MBIP: variants seen among roughly 807,000 people sequenced by gnomAD.
The protein encoded by MBIP is MAP3K12-binding inhibitory protein 1.
MBIP carries 32 observed loss-of-function variants against 45.7 expected under a neutral mutation model. The observed-to-expected ratio is 0.70, with a 90% CI of 0.53 to 0.94. The LOEUF is 0.94. Ranked by LOEUF, MBIP falls within the 40% of genes least tolerant of loss-of-function variation. MBIP has a pLI of 0.00. For synonymous variants in MBIP, 145 were observed against 141.0 expected (o/e 1.03, Z -0.20); for missense variants, 381 against 405.5 (o/e 0.94, Z 0.52).
At chr14:36,306,315 C>T (rs1391642785) in intron 7 of MBIP, among the ~76,000 whole-genome samples, 2 of 152,014 alleles carry the variant, frequency 1.3e-5, no homozygotes, top group Non-Finnish European at 2.9e-5. Flanking sequence ...AGTGCAATGG[C>T]GTGATCTTGG....
intron 7 of MBIP, among the ~76,000 whole-genome samples, chr14:36,306,320 T>C (rs1879876630): frequency 6.6e-6 from 1 of 152,172 alleles, no homozygotes; most frequent in Non-Finnish European, 1.5e-5. Context: ...AATGGCGTGA[T>C]CTTGGCTCAT....
chr14:36,320,467 A>C lies in MBIP; in HGVS notation c.122T>G (p.Val41Gly), dbSNP rs775730622. ...CCTCAGGCCACCTCTCACCTGTCCA[A>C]CCAGGGTGTGTAGGGAGCGAAAGAT... ...YEIFRSLHTL[V>G]GQLDLRDDVV... is the part of the protein sequence containing the mutation. Residue 41 changes from valine to glycine, a missense_variant, in exon 1 of 9, where the codon GTT becomes GGT. Coordinates refer to ENST00000416007, the MANE Select transcript of MBIP (RefSeq NM_016586.3). The C allele has an allele frequency of 1.2e-6, 2 of 1,613,896 alleles. No homozygotes were observed. The highest frequency in any genetic ancestry group is 1.7e-6 in the Non-Finnish European group (2 of 1,180,016).
At chr14:36,306,501 G>T (rs575433550) in intron 7 of MBIP, among the ~76,000 whole-genome samples, 47 of 152,110 alleles carry the variant, frequency 3.1e-4, no homozygotes, top group African/African-American at 1.1e-3. Context: ...TTGAACTCCC[G>T]ACCTCTGGTG....
intron 2 of MBIP, 165 bp from the exon 3 acceptor site, chr14:36,315,080 TACTC>T: frequency 1.8e-6 from 1 of 553,444 alleles, no homozygotes; most frequent in Non-Finnish European, 3.2e-6. Context: ...CACATATAAG[TACTC>T]ACTATTCTCT....
At chr14:36,311,030 G>A (rs1309183514) in intron 6 of MBIP, among the ~76,000 whole-genome samples, 1 of 152,146 alleles carries the variant, frequency 6.6e-6, no homozygotes, top group African/African-American at 2.4e-5. Context: ...AGATCACAGT[G>A]GCTTCAACTC....
At chr14:36,313,804 T>C (rs745603195) in intron 4 of MBIP, 3 of 152,138 alleles carry the variant, frequency 2.0e-5, no homozygotes, top group Non-Finnish European at 4.4e-5. Context: ...TTCATTCCAA[T>C]TATGAACTCT....
At chr14:36,311,852 T>C (rs1207957019) in intron 5 of MBIP, 107 bp downstream of exon 5, 18 of 1,175,858 alleles carry the variant, frequency 1.5e-5, no homozygotes, top group Non-Finnish European at 2.0e-5. Flanking sequence ...GACGGCAAGA[T>C]GTTTTTGTTT....
intron 4 of MBIP, among the ~76,000 whole-genome samples, chr14:36,312,976 G>A (rs1013292480): frequency 1.3e-5 from 2 of 151,806 alleles, no homozygotes; most frequent in African/African-American, 2.4e-5. Context: ...TTATAGTTAG[G>A]TTAAATTTGT....
chr14:36,315,854 A>C (rs1283237479), intron 2 of MBIP, among the ~76,000 whole-genome samples: 1 of 152,140 alleles, frequency 6.6e-6, no homozygotes, highest in Non-Finnish European at 1.5e-5. Flanking sequence ...TATTTTTTTC[A>C]TACCTACAAT....
intron 6 of MBIP, among the ~76,000 whole-genome samples, chr14:36,309,091 T>G (rs2139215271): frequency 6.6e-6 from 1 of 152,324 alleles, no homozygotes; most frequent in South Asian, 2.1e-4. Context: ...TTTTTTCTGT[T>G]ATTCAAAGAG....
chr14:36,319,864 G>T (rs1401750799), intron 1 of MBIP: 2 of 176,182 alleles, frequency 1.1e-5, no homozygotes, highest in Non-Finnish European at 2.4e-5. Flanking sequence ...CTAGTTAATA[G>T]TTAAATAACG....
intron 6 of MBIP, among the ~76,000 whole-genome samples, chr14:36,308,535 T>A (rs919417209): frequency 6.6e-6 from 1 of 152,184 alleles, no homozygotes; most frequent in African/African-American, 2.4e-5. Context: ...AAATGCATAG[T>A]GACAAATGAC....
At chr14:36,302,142 C>T (rs919024902) in intron 7 of MBIP, among the ~76,000 whole-genome samples, 4 of 152,340 alleles carry the variant, frequency 2.6e-5, no homozygotes, top group East Asian at 1.9e-4. Context: ...TTTAATTTGG[C>T]GATTGATCAG....
intron 7 of MBIP, among the ~76,000 whole-genome samples, chr14:36,303,524 T>C (rs938573387): frequency 2.6e-5 from 4 of 152,214 alleles, no homozygotes; most frequent in African/African-American, 9.7e-5. Context: ...TTGAATACTG[T>C]AGGCAAGTGT....
chr14:36,301,023 C>T lies in MBIP; in HGVS notation c.889-200G>A, dbSNP rs569048846. 147 of 395,298 alleles carry T rather than the reference C, an allele frequency of 3.7e-4. 2 individuals are homozygous for T. The South Asian group carries it at 7.6e-3, about 20-fold the overall frequency. The allele number at this position is 395,298 out of a possible 1,614,324, so 24.5% of individuals were successfully genotyped here. On this transcript the variant is annotated intron_variant, in intron 7 of 8. Transcript: ENST00000416007. ...TACCCTCTAAAGAGGATGACGTTAA[C>T]AATATATAATAGTAATATTGCAGCA...
chr14:36,310,083 T>C (rs1880111764), intron 6 of MBIP, among the ~76,000 whole-genome samples: 1 of 152,228 alleles, frequency 6.6e-6, no homozygotes, highest in Non-Finnish European at 1.5e-5. Flanking sequence ...ATTCAACAGA[T>C]ATTTTTCCAA....
rs770896506 is a variant in MBIP, at chr14:36,311,612, G to T, written c.751C>A (p.Arg251=). 6.2e-7 allele frequency: 1 copy of T among 1,612,896 alleles called. No homozygotes were observed. The highest frequency in any genetic ancestry group is 8.5e-7 in the Non-Finnish European group (1 of 1,179,306). ...AAGTGGGCCTCAATATTTTGTAGTC[G>T]TTCTTCTACAGCCTGATTACCACAG... The part of the protein sequence containing the change: ...RDCGNQAVEE[R]LQNIEAHLRL... Residue 251 remains arginine (R), a synonymous_variant, in exon 6 of 9, where the codon CGA becomes AGA. Coordinates refer to ENST00000416007, the MANE Select transcript of MBIP (RefSeq NM_016586.3).
intron 7 of MBIP, among the ~76,000 whole-genome samples, chr14:36,306,312 TG>T (rs1879876031): frequency 6.6e-6 from 1 of 152,178 alleles, no homozygotes; most frequent in Admixed American, 6.5e-5. Context: ...TGGAGTGCAA[TG>T]GCGTGATCTT....
In MBIP at chr14:36,300,792, G is replaced by C. The variant is rs1214040418; in HGVS notation, c.920C>G (p.Pro307Arg). The change falls in exon 8 of 9, where the codon CCA (proline) becomes CGA (arginine). Residue 307 changes from proline to arginine, a missense_variant. Physicochemically the swap from Pro to Arg is moderately radical, Grantham distance 103. Transcript: ENST00000416007. Reference sequence around the variant, plus strand: ...GAAAATGCAGTAACTTACTTGAGGTGGTTGAACTTTTCTTCTTTTTCCAGA... The same window carrying C: ...GAAAATGCAGTAACTTACTTGAGGTCGTTGAACTTTTCTTCTTTTTCCAGA... ...SFSGKRRKVQPPQQNYSLAEL... is the reference protein window; with the variant it reads ...SFSGKRRKVQRPQQNYSLAEL... 1.3e-6 allele frequency: 2 copies of C among 1,553,338 alleles called. No individual in the cohort carries two copies. The highest frequency in any genetic ancestry group is 8.7e-7 in the Non-Finnish European group (1 of 1,143,730).
Sources: gnomAD v4.1 joint callset for allele counts (sites outside exome capture counted in the v4.1 genomes callset) on GRCh38, gnomAD v4.1.1 for gene constraint, MANE v1.5 for transcripts, NCBI Gene and HGNC (gene_info 2026-07-23, HGNC 2026-07-21) for gene names.